Variants in FBXL17 observed in about 807,000 individuals in gnomAD.
The protein encoded by FBXL17 is F-box/LRR-repeat protein 17.
A neutral mutation model predicts 66.2 loss-of-function variants in FBXL17; 22 were observed. The ratio of observed to expected loss-of-function variants is 0.33; its 90% CI spans 0.24 to 0.47. The LOEUF (loss-of-function observed/expected upper bound fraction) is 0.47. Ranked by LOEUF, FBXL17 falls within the 20% of genes least tolerant of loss-of-function variation. The pLI is 1.00. For missense variants in FBXL17, 878 were observed against 948.2 expected, an observed-to-expected ratio of 0.93 and a Z score of 0.97; for synonymous variants, 474 against 400.5, an observed-to-expected ratio of 1.18 and a Z score of -2.19.
intron 7 of FBXL17, among the ~76,000 whole-genome samples, chr5:107,915,095 T>A (rs1378639029): frequency 6.6e-6 from 1 of 152,184 alleles, no homozygotes; most frequent in East Asian, 1.9e-4. Flanking sequence ...TTTCTTACTA[T>A]AATTGCAATT....
chr5:108,119,261 T>C (rs79227960), intron 6 of FBXL17, among the ~76,000 whole-genome samples: 1 of 152,218 alleles, frequency 6.6e-6, no homozygotes, highest in Non-Finnish European at 1.5e-5. Context: ...TGGATAATCA[T>C]GTCCTGAGGT....
chr5:108,379,909 T>C (rs193218789), intron 1 of FBXL17, among the ~76,000 whole-genome samples: 1 of 152,350 alleles, frequency 6.6e-6, no homozygotes, highest in East Asian at 1.9e-4. Flanking sequence ...GTAATCTGTA[T>C]GCTTTTATGC....
At chr5:108,255,163 A>G (rs1377159122) in intron 4 of FBXL17, among the ~76,000 whole-genome samples, 1 of 152,196 alleles carries the variant, frequency 6.6e-6, no homozygotes, top group Non-Finnish European at 1.5e-5. Context: ...AACATAATAA[A>G]ATACATTTTT....
At chr5:107,911,055 T>A (rs1749934263) in intron 7 of FBXL17, among the ~76,000 whole-genome samples, 1 of 152,072 alleles carries the variant, frequency 6.6e-6, no homozygotes, top group South Asian at 2.1e-4. Flanking sequence ...AAGAAATTGA[T>A]CATAAATTAA....
At chr5:108,150,479 T>A (rs1189850228) in intron 6 of FBXL17, among the ~76,000 whole-genome samples, 1 of 152,172 alleles carries the variant, frequency 6.6e-6, no homozygotes, top group African/African-American at 2.4e-5. Flanking sequence ...GCTGGGATTA[T>A]AGGCATGAGC....
chr5:108,008,716 T>C (rs1406755200), intron 7 of FBXL17, among the ~76,000 whole-genome samples: 1 of 152,118 alleles, frequency 6.6e-6, no homozygotes, highest in African/African-American at 2.4e-5. Context: ...GCAGCTTGGT[T>C]GTGAGTTGCT....
At chr5:107,961,347 C>T (rs749248615) in intron 7 of FBXL17, among the ~76,000 whole-genome samples, 19 of 151,980 alleles carry the variant, frequency 1.3e-4, no homozygotes, top group Admixed American at 5.9e-4. Context: ...ACCTCAGCCT[C>T]CCAAGTAGTT....
intron 7 of FBXL17, among the ~76,000 whole-genome samples, chr5:107,959,525 T>TC (rs1751813526): frequency 6.6e-6 from 1 of 152,048 alleles, no homozygotes; most frequent in Admixed American, 6.5e-5. Flanking sequence ...TTATGCTCAC[T>TC]CATCAAACTC....
At chr5:108,266,220 G>A (rs1021350019) in intron 4 of FBXL17, among the ~76,000 whole-genome samples, 5 of 152,024 alleles carry the variant, frequency 3.3e-5, no homozygotes, top group African/African-American at 1.2e-4. Flanking sequence ...TTTGAATACA[G>A]TAGTCTCCCT....
intron 6 of FBXL17, among the ~76,000 whole-genome samples, chr5:108,163,586 A>G (rs1752302938): frequency 1.3e-5 from 2 of 152,014 alleles, no homozygotes; most frequent in South Asian, 4.1e-4. Flanking sequence ...TGTTTTTAGT[A>G]GAGACGGGGT....
intron 4 of FBXL17, among the ~76,000 whole-genome samples, chr5:108,267,890 C>T (rs1186574432): frequency 7.9e-5 from 12 of 152,006 alleles, no homozygotes; most frequent in African/African-American, 1.2e-4. Flanking sequence ...CCAATGTTCA[C>T]GCCTATTTTG....
At chr5:108,136,807 G>GA (rs1449383483) in intron 6 of FBXL17, among the ~76,000 whole-genome samples, 1 of 152,096 alleles carries the variant, frequency 6.6e-6, no homozygotes, top group Non-Finnish European at 1.5e-5. Context: ...CTGTTAGTAT[G>GA]AAAAATTGCT....
chr5:108,320,447 CA>C (rs1188329005), intron 4 of FBXL17, among the ~76,000 whole-genome samples: 2 of 150,518 alleles, frequency 1.3e-5, no homozygotes, highest in East Asian at 1.9e-4. Context: ...GGAAAGCATC[CA>C]AAAAAAAATT....
chr5:108,331,876 A>T (rs926966880), intron 4 of FBXL17, among the ~76,000 whole-genome samples: 2 of 152,224 alleles, frequency 1.3e-5, no homozygotes, highest in Non-Finnish European at 2.9e-5. Context: ...ATAAATGAAA[A>T]ATGCAAATTC....
At chr5:108,372,261 T>C (rs556594687) in intron 1 of FBXL17, among the ~76,000 whole-genome samples, 4 of 152,250 alleles carry the variant, frequency 2.6e-5, no homozygotes, top group African/African-American at 7.2e-5. Flanking sequence ...ACTGAGTCTG[T>C]GGACTGAAGG....
chr5:107,918,380 A>C (rs1750202893), intron 7 of FBXL17, among the ~76,000 whole-genome samples: 1 of 152,218 alleles, frequency 6.6e-6, no homozygotes, highest in African/African-American at 2.4e-5. Flanking sequence ...CTGAGATTAC[A>C]TTACTCAAAT....
chr5:107,925,665 C>T (rs1326182387), intron 7 of FBXL17, among the ~76,000 whole-genome samples: 1 of 152,154 alleles, frequency 6.6e-6, no homozygotes, highest in African/African-American at 2.4e-5. Context: ...TGCAGAAACC[C>T]CCAAGCGGGA....
intron 6 of FBXL17, among the ~76,000 whole-genome samples, chr5:108,178,541 A>T (rs551238814): frequency 6.6e-6 from 1 of 152,352 alleles, no homozygotes; most frequent in African/African-American, 2.4e-5. Context: ...CTCAGAACTC[A>T]GTAAAATATA....
intron 4 of FBXL17, among the ~76,000 whole-genome samples, chr5:108,290,418 A>T (rs969595209): frequency 1.6e-4 from 25 of 152,154 alleles, no homozygotes; most frequent in African/African-American, 5.6e-4. Flanking sequence ...TTAATTTACC[A>T]TTCCTGTATG....
Sources: gnomAD v4.1 joint callset for allele counts (sites outside exome capture counted in the v4.1 genomes callset) on GRCh38, gnomAD v4.1.1 for gene constraint, MANE v1.5 for transcripts, NCBI Gene and HGNC (gene_info 2026-07-23, HGNC 2026-07-21) for gene names.